DACH2: variants seen among roughly 807,000 people sequenced by gnomAD.
The protein encoded by DACH2 is dachshund homolog 2.
DACH2 carries 17 observed loss-of-function variants against 35.8 expected under a neutral mutation model. That is an observed-to-expected ratio of 0.48 (90% confidence interval 0.33 to 0.71). DACH2 has a LOEUF of 0.71. Ranked by LOEUF, DACH2 falls within the 30% of genes least tolerant of loss-of-function variation. The pLI is 0.02. For missense variants in DACH2, 469 were observed against 472.7 expected (o/e 0.99, Z 0.07); for synonymous variants, 195 against 177.3 (o/e 1.10, Z -0.79).
intron 1 of DACH2, among the ~76,000 whole-genome samples, chrX:86,372,075 C>A (rs760965766): frequency 2.4e-4 from 27 of 111,105 alleles, no homozygotes; most frequent in African/African-American, 8.1e-4. Context: ...GCATAGGGAA[C>A]ATTTTTATCG....
intron 1 of DACH2, among the ~76,000 whole-genome samples, chrX:86,234,910 G>T (rs2033025743): frequency 1.8e-5 from 2 of 111,412 alleles, no homozygotes; most frequent in Admixed American, 1.9e-4. Context: ...ACTGCGCCCA[G>T]CCCAATATTT....
chrX:86,797,034 GTCTC>G (rs1394100089), intron 7 of DACH2, among the ~76,000 whole-genome samples: 1 of 111,317 alleles, frequency 9.0e-6, no homozygotes, highest in South Asian at 3.7e-4. Context: ...TTTGAATGTG[GTCTC>G]TCTTTCTCTC....
chrX:86,482,485 C>T (rs772428999), intron 2 of DACH2, among the ~76,000 whole-genome samples: 15 of 110,151 alleles, frequency 1.4e-4, no homozygotes, highest in African/African-American at 4.0e-4. Flanking sequence ...TGAATAATGC[C>T]GCAATAAACA....
chrX:86,284,532 A>T (rs1210586087), intron 1 of DACH2, among the ~76,000 whole-genome samples: 1 of 110,078 alleles, frequency 9.1e-6, no homozygotes, highest in Non-Finnish European at 1.9e-5. Context: ...CATCAGAGTT[A>T]CTGGCCTGTA....
intron 1 of DACH2, among the ~76,000 whole-genome samples, chrX:86,316,840 C>G (rs1234168088): frequency 9.0e-6 from 1 of 111,025 alleles, no homozygotes. Flanking sequence ...GGGTCCAAGG[C>G]TGGGCACGGT....
intron 3 of DACH2, among the ~76,000 whole-genome samples, chrX:86,628,302 A>G (rs1343819962): frequency 3.6e-5 from 4 of 112,262 alleles, no homozygotes; most frequent in Non-Finnish European, 7.5e-5. Flanking sequence ...TTCCACTTAG[A>G]TTCTCTGAAG....
At chrX:86,528,428 T>C (rs2148285115) in intron 3 of DACH2, among the ~76,000 whole-genome samples, 1 of 111,685 alleles carries the variant, frequency 9.0e-6, no homozygotes, top group Admixed American at 9.6e-5. Flanking sequence ...AAAAGCATAC[T>C]TTTTGGACTT....
chrX:86,334,823 A>C (rs1369351243), intron 1 of DACH2, among the ~76,000 whole-genome samples: 2 of 111,843 alleles, frequency 1.8e-5, no homozygotes, highest in African/African-American at 6.5e-5. Context: ...TTAGTCATGA[A>C]GTGTGTGCCC....
intron 1 of DACH2, among the ~76,000 whole-genome samples, chrX:86,152,614 C>A (rs1028256886): frequency 9.0e-6 from 1 of 111,565 alleles, no homozygotes; most frequent in African/African-American, 3.2e-5. Flanking sequence ...AAACTCTTGA[C>A]CATTCATTGT....
intron 1 of DACH2, among the ~76,000 whole-genome samples, chrX:86,202,954 T>A (rs1367378163): frequency 9.0e-6 from 1 of 111,294 alleles, no homozygotes; most frequent in Non-Finnish European, 1.9e-5. Context: ...TCTTTGCTAG[T>A]AGCACATATT....
At chrX:86,639,912 G>A (rs930331744) in intron 3 of DACH2, among the ~76,000 whole-genome samples, 43 of 111,232 alleles carry the variant, frequency 3.9e-4, no homozygotes, top group African/African-American at 1.4e-3. Context: ...TCCCAACTAC[G>A]GTCTCCAGCC....
At chrX:86,256,934 C>T (rs1277595325) in intron 1 of DACH2, among the ~76,000 whole-genome samples, 2 of 111,465 alleles carry the variant, frequency 1.8e-5, no homozygotes, top group African/African-American at 6.5e-5. Flanking sequence ...TATTAATCCC[C>T]TATATTCACA....
chrX:86,552,097 T>C (rs1341064638), intron 3 of DACH2, among the ~76,000 whole-genome samples: 1 of 111,994 alleles, frequency 8.9e-6, no homozygotes, highest in Non-Finnish European at 1.9e-5. Context: ...ATGAGTAAAT[T>C]GATCTATGAG....
intron 1 of DACH2, among the ~76,000 whole-genome samples, chrX:86,346,604 A>G (rs1444551667): frequency 2.7e-5 from 3 of 111,741 alleles, no homozygotes. Context: ...TCTGTATACT[A>G]CAAATCTGTT....
At chrX:86,722,270 G>A (rs1408715273) in intron 6 of DACH2, among the ~76,000 whole-genome samples, 1 of 111,304 alleles carries the variant, frequency 9.0e-6, no homozygotes, top group Non-Finnish European at 1.9e-5. Context: ...TTTTTTAAAC[G>A]CATTTTCTGC....
chrX:86,475,523 G>T (rs772438172), intron 2 of DACH2, among the ~76,000 whole-genome samples: 1 of 111,548 alleles, frequency 9.0e-6, no homozygotes, highest in Non-Finnish European at 1.9e-5. Context: ...ACTGATTTTC[G>T]CACAATGATT....
intron 1 of DACH2, among the ~76,000 whole-genome samples, chrX:86,176,202 G>T (rs1042030304): frequency 8.1e-5 from 9 of 111,222 alleles, no homozygotes; most frequent in Admixed American, 1.9e-4. Context: ...GTAGAAAGAA[G>T]ATATCAAGGA....
At chrX:86,245,870 A>G (rs956047115) in intron 1 of DACH2, among the ~76,000 whole-genome samples, 1 of 111,911 alleles carries the variant, frequency 8.9e-6, no homozygotes, top group African/African-American at 3.2e-5. Flanking sequence ...CTGGATAGTG[A>G]CAAAGATAAT....
chrX:86,531,700 A>G (rs1227220955), intron 3 of DACH2, among the ~76,000 whole-genome samples: 1 of 112,778 alleles, frequency 8.9e-6, no homozygotes, highest in Admixed American at 9.3e-5. Flanking sequence ...AGGGCAATGC[A>G]GAGGGAAAAT....
Sources: gnomAD v4.1 joint callset for allele counts (sites outside exome capture counted in the v4.1 genomes callset) on GRCh38, gnomAD v4.1.1 for gene constraint, MANE v1.5 for transcripts, NCBI Gene and HGNC (gene_info 2026-07-23, HGNC 2026-07-21) for gene names.